FGF12: variants seen among roughly 807,000 people sequenced by gnomAD.
FGF12 encodes fibroblast growth factor 12.
Under a neutral mutation model 23.6 loss-of-function variants are expected in FGF12, and 14 were observed. The ratio of observed to expected loss-of-function variants is 0.59; its 90% CI spans 0.39 to 0.93. The LOEUF is 0.93. Ranked by LOEUF, FGF12 falls within the 40% of genes least tolerant of loss-of-function variation. The pLI, the probability that FGF12 is intolerant of heterozygous loss-of-function variation, is 0.00. For synonymous variants in FGF12, 62 were observed against 77.3 expected (o/e 0.80, Z 1.04); for missense variants, 175 against 217.8 (o/e 0.80, Z 1.24).
Position 192,711,370 on chromosome 3 carries a change from G to A in FGF12, c.13+15811C>T, listed in dbSNP as rs537586207. Among the ~76,000 whole-genome samples, 140 of 150,406 alleles carry A rather than the reference G, an allele frequency of 9.3e-4. 1 individual carries two copies. The highest frequency in any genetic ancestry group is 3.2e-3 in the African/African-American group (129 of 39,862). On this transcript the variant is annotated intron_variant, in intron 2 of 5. Transcript: ENST00000445105. ...CAGCCGCCGTCCCGTCCGGGAGGTG[G>A]GGGGCGCCTCTGCCCGGCCGCCCCT... is the stretch of plus-strand genomic sequence containing the variant.
intron 2 of FGF12, among the ~76,000 whole-genome samples, chr3:192,392,343 C>A (rs1210426565): frequency 6.6e-6 from 1 of 151,668 alleles, no homozygotes; most frequent in Non-Finnish European, 1.5e-5. Flanking sequence ...CCAAGGTGGG[C>A]TGATCCCTGA....
Position 192,232,469 on chromosome 3 carries a change from C to A in FGF12, c.229-61813G>T, listed in dbSNP as rs190723701. On this transcript the variant is annotated intron_variant, in intron 4 of 5. Coordinates refer to ENST00000445105, the MANE Select transcript of FGF12 (RefSeq NM_004113.6). ...ATAATTTGTATAATTCCATAGTCAA[C>A]CCTAGCAAGTGAAGATTAATCAATG... Among the ~76,000 whole-genome samples the A allele has an allele frequency of 2.6e-3, 389 of 152,128 alleles. 2 individuals carry two copies. Among genetic ancestry groups the A allele is most frequent in the African/African-American group, 8.9e-3 (370 of 41,512 alleles).
At chr3:192,700,018 C>A (rs1718242627) in intron 2 of FGF12, among the ~76,000 whole-genome samples, 1 of 152,192 alleles carries the variant, frequency 6.6e-6, no homozygotes, top group Non-Finnish European at 1.5e-5. Context: ...CAAGATAGAA[C>A]CCAAATCTCT....
chr3:192,420,108 T>C (rs1721475351), intron 2 of FGF12, among the ~76,000 whole-genome samples: 1 of 152,092 alleles, frequency 6.6e-6, no homozygotes, highest in African/African-American at 2.4e-5. Flanking sequence ...TTTGGATTCT[T>C]GTGTAGGAAA....
At chr3:192,576,643 G>A (rs4580495) in intron 2 of FGF12, among the ~76,000 whole-genome samples, 19,455 of 152,078 alleles carry the variant, frequency 0.13, 1,434 homozygotes, top group African/African-American at 0.21. Context: ...AAGAATACTT[G>A]ATGGTATGGA....
intron 2 of FGF12, among the ~76,000 whole-genome samples, chr3:192,465,419 A>T (rs1358883451): frequency 6.6e-6 from 1 of 152,220 alleles, no homozygotes; most frequent in African/African-American, 2.4e-5. Flanking sequence ...AATAAACCCA[A>T]GACTTGCCCT....
chr3:192,313,236 C>T (rs1716051278), intron 4 of FGF12, among the ~76,000 whole-genome samples: 1 of 152,108 alleles, frequency 6.6e-6, no homozygotes, highest in South Asian at 2.1e-4. Flanking sequence ...ACTTCCAATG[C>T]CTAAGACAAT....
At chr3:192,314,911 A>G (rs1347717756) in intron 4 of FGF12, among the ~76,000 whole-genome samples, 1 of 152,188 alleles carries the variant, frequency 6.6e-6, no homozygotes, top group Non-Finnish European at 1.5e-5. Context: ...AGGATTCTTT[A>G]GAAGGTTAAA....
At chr3:192,644,731 G>A (rs1329252305) in intron 2 of FGF12, among the ~76,000 whole-genome samples, 1 of 152,132 alleles carries the variant, frequency 6.6e-6, no homozygotes, top group Non-Finnish European at 1.5e-5. Flanking sequence ...TTAAACACAA[G>A]TCTGCCATCA....
intron 2 of FGF12, among the ~76,000 whole-genome samples, chr3:192,634,954 G>T (rs922132856): frequency 2.0e-5 from 3 of 152,102 alleles, no homozygotes; most frequent in Non-Finnish European, 4.4e-5. Context: ...CTGCCTCCCA[G>T]GTTCAAGCGA....
intron 4 of FGF12, among the ~76,000 whole-genome samples, chr3:192,227,285 C>G (rs1223398463): frequency 1.3e-5 from 2 of 152,066 alleles, no homozygotes; most frequent in African/African-American, 4.8e-5. Context: ...AAAAATAAAA[C>G]CCAGGAAGCA....
At chr3:192,472,265 C>T (rs756333102) in intron 2 of FGF12, among the ~76,000 whole-genome samples, 3 of 152,100 alleles carry the variant, frequency 2.0e-5, no homozygotes, top group African/African-American at 2.4e-5. Flanking sequence ...ATCTGCCCGC[C>T]GCGGCCTCCC....
intron 2 of FGF12, among the ~76,000 whole-genome samples, chr3:192,517,357 A>G (rs1005125429): frequency 2.6e-5 from 4 of 152,238 alleles, no homozygotes; most frequent in Admixed American, 2.6e-4. Flanking sequence ...CGTCTAATAC[A>G]GTGGCTCTGT....
intron 2 of FGF12, among the ~76,000 whole-genome samples, chr3:192,635,751 T>C (rs556352929): frequency 2.6e-5 from 4 of 152,276 alleles, no homozygotes; most frequent in Admixed American, 2.6e-4. Context: ...GAAGTAGAGG[T>C]CCATCCTTTT....
chr3:192,666,100 A>G (rs952864760), intron 2 of FGF12, among the ~76,000 whole-genome samples: 5 of 152,196 alleles, frequency 3.3e-5, no homozygotes, highest in Admixed American at 3.3e-4. Flanking sequence ...CCCCAAAACA[A>G]TAGCTCTCAA....
intron 4 of FGF12, among the ~76,000 whole-genome samples, chr3:192,256,568 T>C (rs891260671): frequency 6.6e-6 from 1 of 152,136 alleles, no homozygotes; most frequent in Admixed American, 6.6e-5. Flanking sequence ...GTATGGCATA[T>C]GCCATATATT....
chr3:192,699,061 C>T (rs1046076506), intron 2 of FGF12, among the ~76,000 whole-genome samples: 1 of 152,186 alleles, frequency 6.6e-6, no homozygotes, highest in Non-Finnish European at 1.5e-5. Flanking sequence ...GTCTTAGCCA[C>T]TAAAAACCTG....
chr3:192,646,601 CA>C (rs1716014540), intron 2 of FGF12, among the ~76,000 whole-genome samples: 1 of 152,126 alleles, frequency 6.6e-6, no homozygotes, highest in South Asian at 2.1e-4. Context: ...TCAGTTAAAG[CA>C]GCTAGATTCA....
At chr3:192,539,347 T>C (rs1166592002) in intron 2 of FGF12, among the ~76,000 whole-genome samples, 1 of 152,192 alleles carries the variant, frequency 6.6e-6, no homozygotes, top group Admixed American at 6.5e-5. Context: ...GTTTTTGTCA[T>C]GAAATGATGT....
Sources: allele counts gnomAD v4.1 joint callset (sites outside exome capture counted in the v4.1 genomes callset), GRCh38; gene constraint gnomAD v4.1.1; transcripts MANE v1.5; gene names NCBI Gene and HGNC (gene_info 2026-07-23, HGNC 2026-07-21).